Variants in CTPS2 observed in about 807,000 individuals in gnomAD.
CTPS2 encodes the protein CTP synthase II.
In CTPS2, 19 loss-of-function variants were observed where a neutral mutation model predicts 46.8. The ratio of observed to expected loss-of-function variants is 0.41; its 90% CI spans 0.28 to 0.60. CTPS2 has a LOEUF of 0.60. Among genes scored for constraint, CTPS2 ranks in the 20% least tolerant of loss-of-function variants. The probability of loss-of-function intolerance (pLI) is 0.35; values close to 1 mark genes in which losing one functional copy is unlikely to be tolerated. For missense variants in CTPS2, 286 were observed against 447.6 expected, an observed-to-expected ratio of 0.64 and a Z score of 3.26; for synonymous variants, 151 against 165.2, an observed-to-expected ratio of 0.91 and a Z score of 0.66.
chrX:16,678,878 T>TA (rs1178622329), intron 9 of CTPS2, among the ~76,000 whole-genome samples: 1 of 106,802 alleles, frequency 9.4e-6, no homozygotes, highest in African/African-American at 3.4e-5. Context: ...AAAAAAAATT[T>TA]AAAAAAAAAG....
chrX:16,627,679 G>A (rs1394442628), intron 14 of CTPS2, among the ~76,000 whole-genome samples: 2 of 111,550 alleles, frequency 1.8e-5, no homozygotes, highest in African/African-American at 6.5e-5. Flanking sequence ...ATGCCCTACT[G>A]GCCTAGATGC....
At chrX:16,639,731 G>GAGAA (rs57226798) in intron 13 of CTPS2, among the ~76,000 whole-genome samples, 3,042 of 66,735 alleles carry the variant, frequency 0.046, 130 homozygotes, top group African/African-American at 0.14. Flanking sequence ...TCCAAAAAAA[G>GAGAA]AGAAAGAAAG....
chrX:16,625,638 A>G (rs1440091341), intron 14 of CTPS2, among the ~76,000 whole-genome samples: 3 of 111,677 alleles, frequency 2.7e-5, no homozygotes, highest in Non-Finnish European at 3.8e-5. Flanking sequence ...GAATTCAGAA[A>G]GAATCAGGTC....
At chrX:16,684,370 G>T (rs189068438) in intron 8 of CTPS2, among the ~76,000 whole-genome samples, 23 of 108,926 alleles carry the variant, frequency 2.1e-4, no homozygotes, top group African/African-American at 7.7e-4. Context: ...TTAGCTGGGC[G>T]TGGTGGTACG....
chrX:16,653,248 G>A (rs1486291216), intron 13 of CTPS2, among the ~76,000 whole-genome samples: 1 of 110,722 alleles, frequency 9.0e-6, no homozygotes, highest in Non-Finnish European at 1.9e-5. Flanking sequence ...AGAGTTTTAT[G>A]GTAGAGACAA....
intron 1 of CTPS2, among the ~76,000 whole-genome samples, chrX:16,709,404 G>T (rs1419677046): frequency 8.4e-5 from 9 of 106,982 alleles, no homozygotes; most frequent in Non-Finnish European, 1.7e-4. Flanking sequence ...CTCCAACCTG[G>T]GCAACAAAGT....
At chrX:16,701,930 G>A (rs1924605758) in intron 2 of CTPS2, among the ~76,000 whole-genome samples, 1 of 111,154 alleles carries the variant, frequency 9.0e-6, no homozygotes, top group Non-Finnish European at 1.9e-5. Context: ...TTGATCAGGG[G>A]CTGGTTACAC....
intron 17 of CTPS2, among the ~76,000 whole-genome samples, chrX:16,594,127 G>C (rs1196263186): frequency 9.0e-6 from 1 of 111,482 alleles, no homozygotes; most frequent in Non-Finnish European, 1.9e-5. Context: ...TACTAGCTCG[G>C]GGCACAGGGT....
At chrX:16,682,825 C>T (rs1304896574) in intron 9 of CTPS2, among the ~76,000 whole-genome samples, 1 of 112,058 alleles carries the variant, frequency 8.9e-6, no homozygotes, top group Non-Finnish European at 1.9e-5. Context: ...TCACTGGACT[C>T]TACCAGGGGA....
chrX:16,668,770 A>AAAGGAAGGAAGG (rs753753580), intron 11 of CTPS2, among the ~76,000 whole-genome samples: 1,624 of 73,596 alleles, frequency 0.022, 37 homozygotes, highest in African/African-American at 0.048. Flanking sequence ...GGAAGGAAGG[A>AAAGGAAGGAAGG]AAGGAAGGAA....
At chrX:16,600,659 T>C (rs1448659365) in intron 17 of CTPS2, among the ~76,000 whole-genome samples, 1 of 111,732 alleles carries the variant, frequency 8.9e-6, no homozygotes, top group African/African-American at 3.3e-5. Flanking sequence ...AAGCACCTTT[T>C]AACCAACGTT....
chrX:16,628,049 T>C (rs1931257488), intron 14 of CTPS2, among the ~76,000 whole-genome samples: 1 of 111,669 alleles, frequency 9.0e-6, no homozygotes. Flanking sequence ...CTAGGGGTGA[T>C]GAGAGCAATG....
intron 14 of CTPS2, among the ~76,000 whole-genome samples, chrX:16,626,760 G>C (rs1193933892): frequency 9.1e-6 from 1 of 110,402 alleles, no homozygotes; most frequent in African/African-American, 3.3e-5. Flanking sequence ...TCTGTCTTCA[G>C]CTGCCACCCT....
intron 18 of CTPS2, among the ~76,000 whole-genome samples, chrX:16,590,474 C>T (rs1928833837): frequency 8.9e-6 from 1 of 111,797 alleles, no homozygotes; most frequent in Non-Finnish European, 1.9e-5. Context: ...CTGTCAACCC[C>T]TGGCCTAGAC....
chrX:16,638,311 T>C (rs1402779925), intron 14 of CTPS2, among the ~76,000 whole-genome samples: 1 of 109,619 alleles, frequency 9.1e-6, no homozygotes, highest in Non-Finnish European at 1.9e-5. Context: ...GGGATTCTTA[T>C]AATTTCACGA....
intron 13 of CTPS2, among the ~76,000 whole-genome samples, chrX:16,649,739 C>T (rs1309888974): frequency 8.9e-6 from 1 of 112,332 alleles, no homozygotes; most frequent in Non-Finnish European, 1.9e-5. Flanking sequence ...AATCCTCCTG[C>T]CTCGGCCTCC....
At chrX:16,690,768 C>T (rs1034922692) in intron 7 of CTPS2, among the ~76,000 whole-genome samples, 3 of 111,953 alleles carry the variant, frequency 2.7e-5, no homozygotes, top group African/African-American at 9.7e-5. Flanking sequence ...AGGTGGAAAG[C>T]CCTACAGAGC....
chrX:16,637,570 T>C (rs1191414634), intron 14 of CTPS2, among the ~76,000 whole-genome samples: 1 of 112,503 alleles, frequency 8.9e-6, no homozygotes, highest in Non-Finnish European at 1.9e-5. Flanking sequence ...AGTACAATGC[T>C]CTTTTTAAAA....
chrX:16,678,580 G>T (rs1402895461), intron 9 of CTPS2, 130 bp from the exon 10 acceptor site: 2 of 460,223 alleles, frequency 4.3e-6, no homozygotes, highest in Non-Finnish European at 7.6e-6. Context: ...GGGCACTAGG[G>T]ATAGAAAAAC....
Sources: allele counts gnomAD v4.1 joint callset (sites outside exome capture counted in the v4.1 genomes callset), GRCh38; gene constraint gnomAD v4.1.1; transcripts MANE v1.5; gene names NCBI Gene and HGNC (gene_info 2026-07-23, HGNC 2026-07-21).